Variants in PPP2R2B observed in about 807,000 individuals in gnomAD.
PPP2R2B encodes protein phosphatase 2 regulatory subunit Bbeta, also known as serine/threonine-protein phosphatase 2A 55 kDa regulatory subunit B beta isoform.
PPP2R2B carries 5 observed loss-of-function variants against 46.0 expected under a neutral mutation model. The ratio of observed to expected loss-of-function variants is 0.11; its 90% CI spans 0.06 to 0.23. The LOEUF (loss-of-function observed/expected upper bound fraction) is 0.23, where lower values mean the gene tolerates loss of function less well. Among genes scored for constraint, PPP2R2B ranks in the 10% least tolerant of loss-of-function variants. PPP2R2B has a pLI of 1.00. For synonymous variants in PPP2R2B, 215 were observed against 206.7 expected (o/e 1.04, Z -0.34); for missense variants, 367 against 575.0 (o/e 0.64, Z 3.70).
chr5:146,801,270 G>A (rs754408455), intron 2 of PPP2R2B, among the ~76,000 whole-genome samples: 9 of 152,090 alleles, frequency 5.9e-5, no homozygotes, highest in Non-Finnish European at 1.0e-4. Context: ...TGTGACTATA[G>A]TTAACATTAT....
chr5:146,698,671 G>T (rs1313409333), intron 3 of PPP2R2B, among the ~76,000 whole-genome samples: 1 of 151,852 alleles, frequency 6.6e-6, no homozygotes, highest in East Asian at 1.9e-4. Flanking sequence ...GACAAAAGAG[G>T]CTCAGATATT....
intron 2 of PPP2R2B, among the ~76,000 whole-genome samples, chr5:146,727,853 C>T (rs1036332368): frequency 1.3e-5 from 2 of 151,786 alleles, no homozygotes; most frequent in Non-Finnish European, 1.5e-5. Flanking sequence ...CCAATTGCTC[C>T]CCCTTCCCCT....
At chr5:146,797,056 G>A (rs950606089) in intron 2 of PPP2R2B, among the ~76,000 whole-genome samples, 4 of 152,104 alleles carry the variant, frequency 2.6e-5, no homozygotes, top group African/African-American at 7.2e-5. Flanking sequence ...AGCTCTCAAC[G>A]TTCCCACTGT....
intron 1 of PPP2R2B, among the ~76,000 whole-genome samples, chr5:146,964,814 C>G (rs529956888): frequency 6.6e-6 from 1 of 152,070 alleles, no homozygotes; most frequent in Non-Finnish European, 1.5e-5. Context: ...TGTGAGCCAC[C>G]GCACCTGACC....
chr5:147,063,182 C>T (rs1337880753), intron 2 of PPP2R2B, among the ~76,000 whole-genome samples: 4 of 152,114 alleles, frequency 2.6e-5, no homozygotes, highest in Admixed American at 6.6e-5. Flanking sequence ...AAAACTCTCA[C>T]ACCTAAATGG....
chr5:147,019,735 G>A (rs541076779), intron 1 of PPP2R2B, among the ~76,000 whole-genome samples: 1 of 152,252 alleles, frequency 6.6e-6, no homozygotes, highest in African/African-American at 2.4e-5. Context: ...ATTCTCCTAT[G>A]TGACCTGAAT....
At chr5:146,619,302 T>TAAAAAA (rs34725004) in intron 7 of PPP2R2B, among the ~76,000 whole-genome samples, 1 of 112,874 alleles carries the variant, frequency 8.9e-6, no homozygotes, top group African/African-American at 3.1e-5. Context: ...CCGTCTCTAC[T>TAAAAAA]AAAAAAAAAA....
chr5:147,023,842 A>G (rs1755397754), intron 1 of PPP2R2B, among the ~76,000 whole-genome samples: 2 of 152,128 alleles, frequency 1.3e-5, no homozygotes, highest in South Asian at 2.1e-4. Flanking sequence ...ACAGAAAAAA[A>G]AAAAGTAGAG....
At chr5:147,066,746 T>A (rs1757425416) in intron 2 of PPP2R2B, among the ~76,000 whole-genome samples, 1 of 151,298 alleles carries the variant, frequency 6.6e-6, no homozygotes, top group Non-Finnish European at 1.5e-5. Context: ...CTAATCATGA[T>A]TTTTTTTTGT....
At chr5:146,599,084 C>A (rs76225703) in intron 8 of PPP2R2B, among the ~76,000 whole-genome samples, 4,387 of 152,248 alleles carry the variant, frequency 0.029, 93 homozygotes, top group African/African-American at 0.057. Context: ...TTATCTCCAG[C>A]ACTTGATCTT....
chr5:146,989,622 C>A lies in PPP2R2B; in HGVS notation c.79+66043G>T, dbSNP rs540251034. ...TCGATACAATAAAGGCCTTACATGA[C>A]AAAACCAGAGCTAACATTATATGGA... On this transcript the variant is annotated intron_variant, in intron 1 of 8. Transcript: ENST00000336640. 2.6e-5 allele frequency among the ~76,000 whole-genome samples: 4 copies of A among 152,116 alleles called. No individual in the cohort carries two copies. In the South Asian group the frequency reaches 8.3e-4, roughly 32 times the overall value.
chr5:146,886,982 T>C (rs952380449), intron 1 of PPP2R2B, among the ~76,000 whole-genome samples: 1 of 152,032 alleles, frequency 6.6e-6, no homozygotes. Context: ...CCAGAATGTA[T>C]AGAACGGCTC....
At chr5:147,006,501 C>A (rs1028234216) in intron 1 of PPP2R2B, among the ~76,000 whole-genome samples, 3 of 152,150 alleles carry the variant, frequency 2.0e-5, no homozygotes, top group African/African-American at 4.8e-5. Flanking sequence ...TCAAGTCCAT[C>A]AATGCAGGGG....
chr5:146,840,091 A>G (rs1271487266), intron 2 of PPP2R2B, among the ~76,000 whole-genome samples: 1 of 152,204 alleles, frequency 6.6e-6, no homozygotes, highest in East Asian at 1.9e-4. Context: ...AAAGTTAATT[A>G]TGTTGATTCT....
chr5:146,990,962 T>C (rs746236605), intron 1 of PPP2R2B, among the ~76,000 whole-genome samples: 2 of 152,016 alleles, frequency 1.3e-5, no homozygotes, highest in Non-Finnish European at 2.9e-5. Flanking sequence ...AACAGGTATA[T>C]GAAAAAATCT....
intron 2 of PPP2R2B, among the ~76,000 whole-genome samples, chr5:146,850,664 C>T (rs996341459): frequency 6.6e-6 from 1 of 152,182 alleles, no homozygotes; most frequent in Non-Finnish European, 1.5e-5. Context: ...ACCAGGGAAG[C>T]CTTCCCTGTC....
At chr5:147,045,197 T>C (rs1272503759) in intron 1 of PPP2R2B, among the ~76,000 whole-genome samples, 1 of 152,204 alleles carries the variant, frequency 6.6e-6, no homozygotes, top group Non-Finnish European at 1.5e-5. Flanking sequence ...CTTATCTCTG[T>C]TTTGTGTGTC....
chr5:146,813,912 C>A (rs1237433982), intron 2 of PPP2R2B, among the ~76,000 whole-genome samples: 1 of 152,156 alleles, frequency 6.6e-6, no homozygotes, highest in South Asian at 2.1e-4. Flanking sequence ...ACAGTTTAGA[C>A]CAGGACAGGA....
intron 1 of PPP2R2B, among the ~76,000 whole-genome samples, chr5:146,936,495 G>A (rs1582459111): frequency 7.4e-6 from 1 of 134,446 alleles, no homozygotes; most frequent in African/African-American, 2.8e-5. Flanking sequence ...ACCCTAGACA[G>A]TTATGAAGGA....
Sources: allele counts gnomAD v4.1 joint callset (sites outside exome capture counted in the v4.1 genomes callset), GRCh38; gene constraint gnomAD v4.1.1; transcripts MANE v1.5; gene names NCBI Gene and HGNC (gene_info 2026-07-23, HGNC 2026-07-21).